Variants in AP1M1 observed in about 807,000 individuals in gnomAD.
AP1M1 encodes the protein AP-1 complex subunit mu-1.
A neutral mutation model predicts 57.1 loss-of-function variants in AP1M1; 18 were observed. That is an observed-to-expected ratio of 0.32 (90% CI 0.22 to 0.47). AP1M1 has a LOEUF of 0.47. AP1M1 is among the 20% of genes least tolerant of loss of function. AP1M1 has a pLI of 1.00. For missense variants in AP1M1, 362 were observed against 593.5 expected (o/e 0.61, Z 4.05); for synonymous variants, 241 against 237.9 (o/e 1.01, Z -0.12).
In AP1M1 at chr19:16,209,145, T is replaced by C; in HGVS notation, c.514T>C (p.Phe172Leu). The change falls in exon 5 of 12, where the codon TTC becomes CTC. Residue 172 changes from phenylalanine to leucine, a missense_variant. Physicochemically the swap from Phe to Leu is conservative, Grantham distance 22 (BLOSUM62 0). Coordinates refer to ENST00000291439, the MANE Select transcript of AP1M1 (RefSeq NM_032493.4). ...EGIKYRKNEVFLDVIESVNLL... is the reference protein window; with the variant it reads ...EGIKYRKNEVLLDVIESVNLL... ...CATCAAGTATCGGAAGAATGAGGTG[T>C]TCTTGGACGTCATCGAGTCTGTCAA... The C allele has an allele frequency of 6.2e-7, 1 of 1,614,202 alleles. No homozygotes were observed. The highest frequency in any genetic ancestry group is 8.5e-7 in the Non-Finnish European group (1 of 1,180,034).
At position 16,239,989 on chromosome 19, in the gene AP1M1, T is replaced by A. The variant is rs776598830; in HGVS notation, c.*5554T>A. 6 of 152,096 alleles carry A rather than the reference T, an allele frequency of 3.9e-5. No homozygotes were observed. The highest frequency in any genetic ancestry group is 7.4e-5 in the Non-Finnish European group (5 of 68,010). 9.4% of individuals were successfully genotyped at this position (152,096 alleles called of 1,614,324 possible). A position where few individuals can be genotyped will look rare whatever the true frequency, so the allele number is the denominator to read the frequency against. ...TTCAACCAAGAGTGAGTTGAAAATA[T>A]TTGAAAAACAATTGTGTCTGTGCTG... On this transcript the variant is annotated 3_prime_UTR_variant, in exon 12 of 12. Transcript: ENST00000291439.
At chr19:16,222,694 A>G (rs958431076) in intron 5 of AP1M1, among the ~76,000 whole-genome samples, 2 of 151,742 alleles carry the variant, frequency 1.3e-5, no homozygotes, top group Admixed American at 6.6e-5. Flanking sequence ...TGCAGCCTCA[A>G]CCTCGTGTGT....
At position 16,203,628 on chromosome 19, in the gene AP1M1, TG is replaced by T. The variant is rs2091458110; in HGVS notation, c.199+18del. The T allele has an allele frequency of 1.3e-6, 2 of 1,593,464 alleles. No homozygotes were observed. The highest frequency in any genetic ancestry group is 2.2e-5 in the East Asian group (1 of 44,626). On this transcript the variant is annotated intron_variant, in intron 2 of 11. Transcript: ENST00000291439. The surrounding 1 kb of genome is among the most constrained non-coding windows in gnomAD (Gnocchi z 4.6). ...AACAACCTGTATCGTATCCCTTTGC[TG>T]GGGGTGCTCCCAGGGGACTCCTGTG...
In AP1M1 at chr19:16,239,599, A is replaced by G. The variant is rs1418083245; in HGVS notation, c.*5164A>G. Reference sequence around the variant, plus strand: ...GGAGTTTGAGACCAGCCTGGCCAACATGGTAAAACCTGATTGCTACTAAAA... The same window carrying G: ...GGAGTTTGAGACCAGCCTGGCCAACGTGGTAAAACCTGATTGCTACTAAAA... On this transcript the variant is annotated 3_prime_UTR_variant, in exon 12 of 12. Coordinates refer to ENST00000291439, the MANE Select transcript of AP1M1 (RefSeq NM_032493.4). 2 of 152,034 alleles carry G rather than the reference A, an allele frequency of 1.3e-5. No homozygotes were observed. The highest frequency in any genetic ancestry group is 6.6e-5 in the Admixed American group (1 of 15,254). The allele number at this position is 152,034 out of a possible 1,614,324, so 9.4% of individuals were successfully genotyped here. A position where few individuals can be genotyped will look rare whatever the true frequency, so the allele number is the denominator to read the frequency against.
At chr19:16,214,594 C>T (rs556301890) in intron 5 of AP1M1, among the ~76,000 whole-genome samples, 1 of 152,206 alleles carries the variant, frequency 6.6e-6, no homozygotes, top group Admixed American at 6.5e-5. Context: ...TCAGGTGATT[C>T]GCCTGCCTCA....
In AP1M1 at chr19:16,238,573, G is replaced by A. The variant is rs1308434580; in HGVS notation, c.*4138G>A. ...TATATATATCCAGCAAAAGTCTAACGAGATGCTTGAGAATTTGAAAAAATT... is the reference window on the plus strand; with the variant it reads ...TATATATATCCAGCAAAAGTCTAACAAGATGCTTGAGAATTTGAAAAAATT... On this transcript the variant is annotated 3_prime_UTR_variant, in exon 12 of 12. Coordinates refer to ENST00000291439, the MANE Select transcript of AP1M1 (RefSeq NM_032493.4). The A allele has an allele frequency of 4.6e-5, 7 of 152,056 alleles. No individual in the cohort carries two copies. The East Asian group carries it at 9.6e-4, about 21-fold the overall frequency. The allele number at this position is 152,056 out of a possible 1,614,324, so 9.4% of individuals were successfully genotyped here. A position where few individuals can be genotyped will look rare whatever the true frequency, so the allele number is the denominator to read the frequency against.
At position 16,242,655 on chromosome 19, in the gene AP1M1, C is replaced by T. The variant is rs2091649558; in HGVS notation, c.*8220C>T. On this transcript the variant is annotated 3_prime_UTR_variant, in exon 12 of 12. Coordinates refer to ENST00000291439, the MANE Select transcript of AP1M1 (RefSeq NM_032493.4). ...AGATGTGACACTTAAAATATAAGCA[C>T]ACAACACAGTTAAAAGTAAAAAGAC... 6.6e-6 allele frequency: 1 copy of T among 152,146 alleles called. No individual in the cohort carries two copies. Among genetic ancestry groups the T allele is most frequent in the Non-Finnish European group, 1.5e-5 (1 of 68,026 alleles). 9.4% of individuals were successfully genotyped at this position (152,146 alleles called of 1,614,324 possible).
chr19:16,224,677 C>T (rs1448113893), intron 5 of AP1M1, among the ~76,000 whole-genome samples: 1 of 152,220 alleles, frequency 6.6e-6, no homozygotes, highest in African/African-American at 2.4e-5. Context: ...GGCCTGCTCT[C>T]GCGGCATTCA....
At chr19:16,215,683 C>G (rs1389510631) in intron 5 of AP1M1, among the ~76,000 whole-genome samples, 2 of 151,942 alleles carry the variant, frequency 1.3e-5, no homozygotes, top group South Asian at 2.1e-4. Flanking sequence ...CAGGGGTTCT[C>G]TGCATTCCCT....
chr19:16,222,197 C>CTTT (rs2091547594), intron 5 of AP1M1, among the ~76,000 whole-genome samples: 1 of 119,024 alleles, frequency 8.4e-6, no homozygotes, highest in African/African-American at 3.1e-5. Context: ...ATTATTATTA[C>CTTT]TATTATTATT....
chr19:16,215,230 G>A (rs2091514283), intron 5 of AP1M1, among the ~76,000 whole-genome samples: 1 of 65,884 alleles, frequency 1.5e-5, no homozygotes. Flanking sequence ...GAGGGGGGAG[G>A]GGAGGGGATC....
chr19:16,206,554 A>T lies in AP1M1; in HGVS notation c.267+146A>T. 1 of 784,960 alleles carries T rather than the reference A, an allele frequency of 1.3e-6. No individual in the cohort carries two copies. Among genetic ancestry groups the T allele is most frequent in the East Asian group, 2.5e-5 (1 of 40,372 alleles). 48.6% of individuals were successfully genotyped at this position (784,960 alleles called of 1,614,324 possible). The stretch of plus-strand genomic sequence containing the variant: ...GGAAGCCCAGGAAGTGGGAAAGGGG[A>T]GTCCCAACTCCCCACGCCTGTGGAA... On this transcript the variant is annotated intron_variant, in intron 3 of 11. Coordinates refer to ENST00000291439, the MANE Select transcript of AP1M1 (RefSeq NM_032493.4). This position sits in a 1 kb window ranked among gnomAD's most constrained non-coding sequence, Gnocchi z 4.3.
chr19:16,221,299 T>G (rs1692196384), intron 5 of AP1M1, among the ~76,000 whole-genome samples: 1 of 152,200 alleles, frequency 6.6e-6, no homozygotes, highest in South Asian at 2.1e-4. Flanking sequence ...AAAATCAGCA[T>G]TCAAACAAAA....
rs556338682 is a variant in AP1M1 at position 16,221,085 on chromosome 19, G to A, written c.547-5336G>A. Among the ~76,000 whole-genome samples, 3 of 152,328 alleles carry A rather than the reference G, an allele frequency of 2.0e-5. No homozygotes were observed. The South Asian group carries it at 6.2e-4, about 32-fold the overall frequency. ...TTTATGTCTTTCATCAAATTGGGAAGTTATCAATCATTGTTTCCTAAAATA... is the reference window on the plus strand; with the variant it reads ...TTTATGTCTTTCATCAAATTGGGAAATTATCAATCATTGTTTCCTAAAATA... On this transcript the variant is annotated intron_variant, in intron 5 of 11. Transcript: ENST00000291439.
intron 1 of AP1M1, among the ~76,000 whole-genome samples, chr19:16,199,223 ACAGT>A (rs776951002): frequency 2.6e-5 from 4 of 152,164 alleles, no homozygotes; most frequent in Admixed American, 6.5e-5. Context: ...TGTTATACAG[ACAGT>A]CAGCCTCAGC....
intron 5 of AP1M1, among the ~76,000 whole-genome samples, chr19:16,223,064 C>A (rs1247465908): frequency 1.3e-5 from 2 of 152,106 alleles, no homozygotes; most frequent in Admixed American, 6.5e-5. Flanking sequence ...ACTTTTTGAG[C>A]ATTATGTGGT....
intron 9 of AP1M1, among the ~76,000 whole-genome samples, chr19:16,231,242 T>C (rs12982836): frequency 6.2e-5 from 9 of 144,412 alleles, no homozygotes; most frequent in Admixed American, 1.4e-4. Flanking sequence ...GAGCCAAGAT[T>C]GCACCACTGC....
At chr19:16,217,940 C>T (rs2091525816) in intron 5 of AP1M1, among the ~76,000 whole-genome samples, 1 of 152,156 alleles carries the variant, frequency 6.6e-6, no homozygotes, top group African/African-American at 2.4e-5. Context: ...GGCAGAAGCG[C>T]CTCCCCATAA....
At chr19:16,231,064 G>A (rs1039598790) in intron 9 of AP1M1, among the ~76,000 whole-genome samples, 2 of 151,812 alleles carry the variant, frequency 1.3e-5, no homozygotes, top group South Asian at 2.1e-4. Flanking sequence ...TGAGGCGGGC[G>A]GATCACAAGG....
Sources: allele counts gnomAD v4.1 joint callset (sites outside exome capture counted in the v4.1 genomes callset), GRCh38; gene constraint gnomAD v4.1.1; non-coding constraint Gnocchi (gnomAD v3.1); transcripts MANE v1.5; gene names NCBI Gene and HGNC (gene_info 2026-07-23, HGNC 2026-07-21).